The following CD302 variants were observed in gnomAD, a reference collection of about 807,000 sequenced individuals.
CD302 encodes the protein CD302 molecule.
In CD302, 23 loss-of-function variants were observed where a neutral mutation model predicts 26.5. The observed-to-expected ratio is 0.87, with a 90% CI of 0.62 to 1.23. The LOEUF (loss-of-function observed/expected upper bound fraction) is 1.23. Ranked by LOEUF, CD302 falls within the 50% of genes most tolerant of loss-of-function variation. The pLI is 0.00. For synonymous variants in CD302, 90 were observed against 99.4 expected (o/e 0.91, Z 0.56); for missense variants, 290 against 275.5 (o/e 1.05, Z -0.37).
rs1708146712 is a variant in CD302, at chr2:159,771,538, C to T, written c.*313G>A. 4.2e-6 allele frequency: 1 copy of T among 236,014 alleles called. No individual in the cohort carries two copies. Among genetic ancestry groups the T allele is most frequent in the Non-Finnish European group, 8.3e-6 (1 of 120,154 alleles). 14.6% of individuals were successfully genotyped at this position (236,014 alleles called of 1,614,324 possible). On this transcript the variant is annotated 3_prime_UTR_variant, in exon 6 of 6. Transcript: ENST00000259053. ...GTGGGTCAACTAAATAGGGAAGATA[C>T]AGCAGGCAAGACAAATAGGCTGGGC...
At chr2:159,778,896 C>T (rs1708418600) in intron 4 of CD302, among the ~76,000 whole-genome samples, 1 of 151,900 alleles carries the variant, frequency 6.6e-6, no homozygotes, top group African/African-American at 2.4e-5. Flanking sequence ...TAACAAATAA[C>T]ATCAAAATAC....
intron 5 of CD302, among the ~76,000 whole-genome samples, chr2:159,775,162 A>C (rs1560041311): frequency 1.3e-5 from 2 of 152,200 alleles, no homozygotes; most frequent in African/African-American, 2.4e-5. Context: ...TCCCACTAGA[A>C]TGTATGCTTG....
chr2:159,776,286 C>T (rs1708321517), intron 5 of CD302, among the ~76,000 whole-genome samples: 1 of 140,312 alleles, frequency 7.1e-6, no homozygotes. Flanking sequence ...TTTATCCCTT[C>T]ATCAGTGGAC....
intron 5 of CD302, among the ~76,000 whole-genome samples, chr2:159,775,157 C>T (rs1708272597): frequency 1.3e-5 from 2 of 152,220 alleles, no homozygotes; most frequent in Admixed American, 6.5e-5. Context: ...ACCCTTCCCA[C>T]TAGAATGTAT....
At chr2:159,777,173 C>T (rs971059073) in intron 5 of CD302, among the ~76,000 whole-genome samples, 1 of 152,202 alleles carries the variant, frequency 6.6e-6, no homozygotes, top group Admixed American at 6.5e-5. Context: ...ATCGCTTGAG[C>T]CCAGGAGGTC....
chr2:159,780,557 T>C (rs1708476423), intron 3 of CD302, among the ~76,000 whole-genome samples: 1 of 152,240 alleles, frequency 6.6e-6, no homozygotes, highest in Non-Finnish European at 1.5e-5. Flanking sequence ...TATGTTTATA[T>C]AATAGAACCG....
intron 5 of CD302, among the ~76,000 whole-genome samples, chr2:159,772,738 A>G (rs1467951453): frequency 2.0e-5 from 3 of 152,218 alleles, no homozygotes; most frequent in Non-Finnish European, 2.9e-5. Context: ...TTTCAGAATT[A>G]TTTTGACAGA....
intron 4 of CD302, among the ~76,000 whole-genome samples, chr2:159,779,766 G>A (rs1447600912): frequency 6.6e-6 from 1 of 151,892 alleles, no homozygotes; most frequent in Non-Finnish European, 1.5e-5. Flanking sequence ...ACCATGCCCA[G>A]CTGATTTTTG....
chr2:159,796,487 C>T (rs1225501190), intron 1 of CD302, among the ~76,000 whole-genome samples: 1 of 152,192 alleles, frequency 6.6e-6, no homozygotes, highest in Non-Finnish European at 1.5e-5. Flanking sequence ...GGAGTTCCCA[C>T]TTAATGCTCC....
chr2:159,782,129 G>A (rs1289585155), intron 2 of CD302, among the ~76,000 whole-genome samples: 2 of 151,900 alleles, frequency 1.3e-5, no homozygotes, highest in Non-Finnish European at 2.9e-5. Context: ...TTAGCCAGGT[G>A]TGGTGATGCA....
intron 2 of CD302, 82 bp downstream of exon 2, chr2:159,783,277 G>T: frequency 8.4e-7 from 1 of 1,190,788 alleles, no homozygotes; most frequent in South Asian, 1.9e-5. Context: ...AGTCAGATGT[G>T]ACAAAATCAA....
intron 1 of CD302, among the ~76,000 whole-genome samples, 167 bp downstream of exon 1, chr2:159,797,965 C>T (rs1361781084): frequency 2.0e-5 from 3 of 152,190 alleles, no homozygotes; most frequent in African/African-American, 7.2e-5. Context: ...GAGAGGTGAC[C>T]CGGAGCCAGG....
At chr2:159,772,559 T>G (rs1258939489) in intron 5 of CD302, among the ~76,000 whole-genome samples, 1 of 152,212 alleles carries the variant, frequency 6.6e-6, no homozygotes, top group Non-Finnish European at 1.5e-5. Context: ...CCTAAATTTC[T>G]GTAAGTATGC....
intron 5 of CD302, among the ~76,000 whole-genome samples, chr2:159,773,054 A>T (rs1040040541): frequency 5.9e-5 from 9 of 152,334 alleles, no homozygotes; most frequent in African/African-American, 2.2e-4. Context: ...AGAATTCCGT[A>T]AACTGAGTTC....
In CD302 at chr2:159,777,669, C is replaced by CACTT. The variant is rs533045691; in HGVS notation, c.496+265_496+268dup. 4.7e-4 allele frequency among the ~76,000 whole-genome samples: 71 copies of CACTT among 152,178 alleles called. No individual in the cohort carries two copies. In the East Asian group the frequency reaches 0.013, roughly 28 times the overall value. ...ATGATATATTTATAAAGTATTATGACACTTAGGGAAAAAATTCAGTGAATG... is the reference window on the plus strand; with the variant it reads ...ATGATATATTTATAAAGTATTATGACACTTACTTAGGGAAAAAATTCAGTGAATG... On this transcript the variant is annotated intron_variant, in intron 5 of 5. Transcript: ENST00000259053.
intron 1 of CD302, among the ~76,000 whole-genome samples, chr2:159,784,184 G>C (rs180965455): frequency 1.2e-3 from 176 of 152,180 alleles, no homozygotes; most frequent in Non-Finnish European, 2.1e-3. Flanking sequence ...CCCTGCAAGA[G>C]TTGATTTCAC....
chr2:159,774,377 T>TGTTTC (rs1304567786), intron 5 of CD302, among the ~76,000 whole-genome samples: 4 of 152,348 alleles, frequency 2.6e-5, no homozygotes, highest in Admixed American at 1.3e-4. Context: ...ATTTTTCTTC[T>TGTTTC]GTTTCCTATT....
intron 5 of CD302, among the ~76,000 whole-genome samples, chr2:159,776,030 T>TTTTTTTTTTTTTA (rs55987429): frequency 2.1e-5 from 3 of 146,224 alleles, no homozygotes; most frequent in South Asian, 2.2e-4. Flanking sequence ...TTTTTTTTTT[T>TTTTTTTTTTTTTA]AAAGTAGAGT....
intron 1 of CD302, among the ~76,000 whole-genome samples, chr2:159,784,429 C>T (rs13429565): frequency 0.043 from 5,924 of 137,162 alleles, 391 homozygotes; most frequent in African/African-American, 0.15. Flanking sequence ...GATCTCAGCT[C>T]ACTGCAGCCT....
Sources: allele counts gnomAD v4.1 joint callset (sites outside exome capture counted in the v4.1 genomes callset), GRCh38; gene constraint gnomAD v4.1.1; transcripts MANE v1.5; gene names NCBI Gene and HGNC (gene_info 2026-07-23, HGNC 2026-07-21).